Variants in SCHIP1 observed in about 807,000 individuals in gnomAD.
SCHIP1 encodes schwannomin interacting protein 1, also known as schwannomin-interacting protein 1.
SCHIP1 carries 8 observed loss-of-function variants against 29.7 expected under a neutral mutation model. The observed-to-expected ratio is 0.27, with a 90% confidence interval of 0.16 to 0.49. The LOEUF (loss-of-function observed/expected upper bound fraction) is 0.49. SCHIP1 is among the 20% of genes least tolerant of loss of function. The pLI is 0.99. For missense variants in SCHIP1, 193 were observed against 294.6 expected, an observed-to-expected ratio of 0.66 and a Z score of 2.52; for synonymous variants, 76 against 94.9, an observed-to-expected ratio of 0.80 and a Z score of 1.16.
At chr3:159,685,102 G>A in the SCHIP1 span, among the ~76,000 whole-genome samples, 1 of 152,020 alleles carries the variant, frequency 6.6e-6, no homozygotes, top group Non-Finnish European at 1.5e-5. Context: ...CCACCACTAT[G>A]TACCAGAACC....
chr3:159,890,707 A>G (rs1489667535), intron 5 of SCHIP1, among the ~76,000 whole-genome samples: 1 of 152,194 alleles, frequency 6.6e-6, no homozygotes, highest in Non-Finnish European at 1.5e-5. Context: ...TAGACTTTTA[A>G]ACACTGAAAT....
chr3:159,523,757 A>G, the SCHIP1 span, among the ~76,000 whole-genome samples: 3 of 152,250 alleles, frequency 2.0e-5, no homozygotes, highest in Non-Finnish European at 2.9e-5. Flanking sequence ...GGGCCTACCA[A>G]GTAAAATAAG....
the SCHIP1 span, among the ~76,000 whole-genome samples, chr3:159,317,846 C>T: frequency 1.8e-4 from 27 of 152,220 alleles, no homozygotes; most frequent in African/African-American, 6.0e-4. Flanking sequence ...ATAGGCAATC[C>T]CATATCTGGA....
chr3:159,277,918 G>GA, the SCHIP1 span, among the ~76,000 whole-genome samples: 1,915 of 135,910 alleles, frequency 0.014, 24 homozygotes, highest in African/African-American at 0.027. Context: ...CGTCTCAAAA[G>GA]AAAAAAAAAA....
chr3:159,394,997 G>A, the SCHIP1 span, among the ~76,000 whole-genome samples: 2 of 152,164 alleles, frequency 1.3e-5, no homozygotes, highest in Non-Finnish European at 2.9e-5. Context: ...TTCAGATCCT[G>A]TTATTGGTCT....
the SCHIP1 span, among the ~76,000 whole-genome samples, chr3:159,312,648 A>C: frequency 6.6e-6 from 1 of 152,018 alleles, no homozygotes; most frequent in Non-Finnish European, 1.5e-5. Flanking sequence ...GTCACCAAGC[A>C]CTCATTTCAC....
At chr3:159,467,168 A>G in the SCHIP1 span, among the ~76,000 whole-genome samples, 3 of 152,106 alleles carry the variant, frequency 2.0e-5, no homozygotes, top group Non-Finnish European at 2.9e-5. Flanking sequence ...AAAATATGCA[A>G]TATGCCATAA....
At chr3:159,731,457 G>C in the SCHIP1 span, among the ~76,000 whole-genome samples, 1 of 152,234 alleles carries the variant, frequency 6.6e-6, no homozygotes, top group African/African-American at 2.4e-5. Flanking sequence ...CTCAGGAGTA[G>C]ACGAGGCCGG....
the SCHIP1 span, among the ~76,000 whole-genome samples, chr3:159,513,234 A>T: frequency 6.6e-6 from 1 of 152,152 alleles, no homozygotes; most frequent in African/African-American, 2.4e-5. Context: ...GGGAGATTTG[A>T]TGTGGGGGGT....
chr3:159,674,706 A>T, the SCHIP1 span, among the ~76,000 whole-genome samples: 1,625 of 151,882 alleles, frequency 0.011, 33 homozygotes, highest in African/African-American at 0.038. Flanking sequence ...AAGCAAGGCC[A>T]CTGCTCCCTA....
At chr3:159,480,636 A>T in the SCHIP1 span, among the ~76,000 whole-genome samples, 1 of 152,152 alleles carries the variant, frequency 6.6e-6, no homozygotes, top group Non-Finnish European at 1.5e-5. Flanking sequence ...TCTCTCGTTT[A>T]ACAGAGACTG....
chr3:159,671,986 A>G, the SCHIP1 span, among the ~76,000 whole-genome samples: 4 of 152,210 alleles, frequency 2.6e-5, no homozygotes, highest in Non-Finnish European at 5.9e-5. Flanking sequence ...ATATTAACTA[A>G]TTGATATACT....
the SCHIP1 span, chr3:159,401,441 C>T: frequency 3.6e-6 from 3 of 825,472 alleles, no homozygotes; most frequent in Non-Finnish European, 2.9e-6. Context: ...CAGTTTTTTA[C>T]CCTCTCGTTA....
chr3:159,591,843 G>A, the SCHIP1 span, among the ~76,000 whole-genome samples: 1 of 151,076 alleles, frequency 6.6e-6, no homozygotes, highest in Non-Finnish European at 1.5e-5. Flanking sequence ...ATAGATGAAG[G>A]GTTGAGAGGT....
the SCHIP1 span, among the ~76,000 whole-genome samples, chr3:159,746,350 C>T: frequency 6.6e-6 from 1 of 152,122 alleles, no homozygotes; most frequent in Non-Finnish European, 1.5e-5. Context: ...CTAGTTCTCA[C>T]GTGGGAGAGT....
chr3:159,559,758 C>T, the SCHIP1 span, among the ~76,000 whole-genome samples: 3,370 of 152,206 alleles, frequency 0.022, 116 homozygotes, highest in African/African-American at 0.077. Context: ...ACCCTTCAAT[C>T]TCTGCCAGAG....
At chr3:159,749,314 C>T in the SCHIP1 span, among the ~76,000 whole-genome samples, 1 of 151,582 alleles carries the variant, frequency 6.6e-6, no homozygotes, top group East Asian at 1.9e-4. Flanking sequence ...CTGCACTCAG[C>T]CTGGGCAACA....
the SCHIP1 span, among the ~76,000 whole-genome samples, chr3:159,681,290 G>GAA: frequency 2.3e-5 from 3 of 129,912 alleles, no homozygotes; most frequent in Non-Finnish European, 5.0e-5. Context: ...GAGAAATGGG[G>GAA]AAAAAAAAAA....
chr3:159,839,300 A>G (rs1743981099), upstream of SCHIP1, among the ~76,000 whole-genome samples: 1 of 148,378 alleles, frequency 6.7e-6, no homozygotes, highest in Admixed American at 6.7e-5. Flanking sequence ...AAAAAAAAAA[A>G]AACCTTCCAA....
Sources: allele counts gnomAD v4.1 joint callset (sites outside exome capture counted in the v4.1 genomes callset), GRCh38; gene constraint gnomAD v4.1.1; transcripts MANE v1.5; gene names NCBI Gene and HGNC (gene_info 2026-07-23, HGNC 2026-07-21).